The following C2orf76 variants were observed in gnomAD, a reference collection of about 807,000 sequenced individuals.
The protein encoded by C2orf76 is UPF0538 protein C2orf76.
In C2orf76, 23 loss-of-function variants were observed where a neutral mutation model predicts 16.9. That is an observed-to-expected ratio of 1.36 (90% confidence interval 0.98 to 1.93). The LOEUF is 1.93. Among genes scored for constraint, C2orf76 ranks in the 30% most tolerant of loss-of-function variants. The probability of loss-of-function intolerance (pLI) is 0.00; values close to 1 mark genes in which losing one functional copy is unlikely to be tolerated. For missense variants in C2orf76, 152 were observed against 152.6 expected, an observed-to-expected ratio of 1.00 and a Z score of 0.02; for synonymous variants, 48 against 52.3, an observed-to-expected ratio of 0.92 and a Z score of 0.35.
intron 2 of C2orf76, among the ~76,000 whole-genome samples, chr2:119,327,131 T>C (rs1573645094): frequency 1.3e-5 from 2 of 152,290 alleles, no homozygotes; most frequent in East Asian, 3.9e-4. Context: ...CCTGCTTCCT[T>C]ATTTTAGGAG....
intron 1 of C2orf76, among the ~76,000 whole-genome samples, chr2:119,359,085 C>A (rs1431481661): frequency 2.6e-5 from 4 of 152,142 alleles, no homozygotes; most frequent in Non-Finnish European, 5.9e-5. Flanking sequence ...GCTCACTGAT[C>A]ATTGTGAAAA....
At chr2:119,297,218 C>T in the C2orf76 span, among the ~76,000 whole-genome samples, 2 of 152,192 alleles carry the variant, frequency 1.3e-5, no homozygotes, top group Non-Finnish European at 2.9e-5. Flanking sequence ...ACCAGGACTC[C>T]TCAGAGCTCT....
At chr2:119,311,575 A>C in intron 5 of C2orf76, 47 bp downstream of exon 5, 11 of 1,594,896 alleles carry the variant, frequency 6.9e-6, no homozygotes, top group Non-Finnish European at 7.7e-6. Flanking sequence ...GCCTCAGGAT[A>C]GGCCGGCAGA....
At chr2:119,311,371 G>T in intron 5 of C2orf76, 2 of 985,428 alleles carry the variant, frequency 2.0e-6, no homozygotes, top group Non-Finnish European at 2.4e-6. Context: ...ACCCTCAGGA[G>T]AATTCTGAGC....
At chr2:119,296,110 G>T in the C2orf76 span, among the ~76,000 whole-genome samples, 2 of 152,174 alleles carry the variant, frequency 1.3e-5, no homozygotes. Flanking sequence ...CAAATGTCGT[G>T]CCTTCCTCTT....
Position 119,311,655 on chromosome 2 carries a change from T to A in C2orf76, c.271A>T (p.Lys91Ter). The change falls in exon 5 of 6, where the codon AAA becomes TAA. Residue 91 changes from lysine to a stop codon, truncating the protein, a stop_gained. Transcript: ENST00000334816. LOFTEE classifies it high-confidence loss of function. The part of the protein sequence containing the change: ...SLEDDERLLL[K>*]EDSTLKAAGI... Reference sequence around the variant, plus strand: ...GCTGCTTTCAGAGTGCTGTCTTCTTTCAGCAGGAGTCTTTCGTCATCTTCC... The same window carrying A: ...GCTGCTTTCAGAGTGCTGTCTTCTTACAGCAGGAGTCTTTCGTCATCTTCC... 1 of 1,613,312 alleles carries A rather than the reference T, an allele frequency of 6.2e-7. No homozygotes were observed. The highest frequency in any genetic ancestry group is 8.5e-7 in the Non-Finnish European group (1 of 1,179,932).
the C2orf76 span, among the ~76,000 whole-genome samples, chr2:119,293,613 A>G: frequency 6.6e-6 from 1 of 152,104 alleles, no homozygotes; most frequent in Admixed American, 6.5e-5. Flanking sequence ...GAGAAGTGAA[A>G]CCCAGTTGGA....
chr2:119,345,399 G>A (rs1023830154), intron 1 of C2orf76, among the ~76,000 whole-genome samples: 4 of 152,132 alleles, frequency 2.6e-5, no homozygotes, highest in Non-Finnish European at 4.4e-5. Flanking sequence ...TAAACAACTG[G>A]CAAGAACATA....
At chr2:119,351,611 G>A (rs956125769) in intron 1 of C2orf76, among the ~76,000 whole-genome samples, 1 of 152,066 alleles carries the variant, frequency 6.6e-6, no homozygotes, top group African/African-American at 2.4e-5. Flanking sequence ...AAAATTAGCT[G>A]GGTGTGGTAA....
intron 1 of C2orf76, among the ~76,000 whole-genome samples, chr2:119,363,163 G>A (rs1403009093): frequency 2.6e-5 from 4 of 152,160 alleles, no homozygotes; most frequent in East Asian, 3.9e-4. Flanking sequence ...CATGGCTCAC[G>A]CCTGTAATCT....
the C2orf76 span, among the ~76,000 whole-genome samples, chr2:119,292,983 C>A: frequency 0.025 from 3,811 of 152,226 alleles, 70 homozygotes; most frequent in Middle Eastern, 0.092. Flanking sequence ...TACAGTGAGC[C>A]GAGATTGTGC....
intron 1 of C2orf76, among the ~76,000 whole-genome samples, chr2:119,354,319 G>T (rs879626094): frequency 6.6e-6 from 1 of 152,134 alleles, no homozygotes; most frequent in Non-Finnish European, 1.5e-5. Context: ...TCAGGAGTTC[G>T]AGACCAGCCT....
At chr2:119,292,261 C>A in the C2orf76 span, among the ~76,000 whole-genome samples, 4 of 152,166 alleles carry the variant, frequency 2.6e-5, no homozygotes, top group South Asian at 4.2e-4. Context: ...GTTCAGTTTT[C>A]TACTTAGTTT....
chr2:119,362,049 A>G (rs1004066870), intron 1 of C2orf76, among the ~76,000 whole-genome samples: 3 of 152,098 alleles, frequency 2.0e-5, no homozygotes, highest in African/African-American at 7.2e-5. Flanking sequence ...CACCTCTGCC[A>G]TCCCTGAGAA....
the C2orf76 span, among the ~76,000 whole-genome samples, chr2:119,287,797 T>C: frequency 1.3e-5 from 2 of 152,242 alleles, no homozygotes; most frequent in Non-Finnish European, 2.9e-5. Flanking sequence ...TGTGTGTGTT[T>C]AAAATAAAAT....
intron 5 of C2orf76, 162 bp downstream of exon 5, chr2:119,311,460 T>A: frequency 1.0e-6 from 1 of 985,404 alleles, no homozygotes; most frequent in Non-Finnish European, 1.2e-6. Flanking sequence ...GAGATCGGAA[T>A]GCACATCATT....
At chr2:119,319,841 G>C (rs892109541) in intron 3 of C2orf76, among the ~76,000 whole-genome samples, 1 of 152,156 alleles carries the variant, frequency 6.6e-6, no homozygotes, top group Non-Finnish European at 1.5e-5. Flanking sequence ...CCCGCAGACC[G>C]TGAGGTGGCA....
chr2:119,336,796 T>C (rs1422249715), intron 2 of C2orf76, among the ~76,000 whole-genome samples: 1 of 152,212 alleles, frequency 6.6e-6, no homozygotes, highest in East Asian at 1.9e-4. Flanking sequence ...TATGCCACTA[T>C]GTCAGACAAT....
At chr2:119,302,963 A>G (rs990663738) in intron 5 of C2orf76, among the ~76,000 whole-genome samples, 7 of 152,142 alleles carry the variant, frequency 4.6e-5, no homozygotes, top group African/African-American at 1.7e-4. Flanking sequence ...CCCCCCCTGA[A>G]ATTAGCCTGT....
Sources: allele counts gnomAD v4.1 joint callset (sites outside exome capture counted in the v4.1 genomes callset), GRCh38; gene constraint gnomAD v4.1.1; transcripts MANE v1.5; gene names NCBI Gene and HGNC (gene_info 2026-07-23, HGNC 2026-07-21).